Variants in ASIC2 observed in about 807,000 individuals in gnomAD.
ASIC2 encodes acid-sensing ion channel 2.
Under a neutral mutation model 57.3 loss-of-function variants are expected in ASIC2, and 25 were observed. The ratio of observed to expected loss-of-function variants is 0.44; its 90% confidence interval spans 0.32 to 0.61. The LOEUF is 0.61. Among genes scored for constraint, ASIC2 ranks in the 20% least tolerant of loss-of-function variants. The pLI is 0.06. For synonymous variants in ASIC2, 319 were observed against 307.5 expected (o/e 1.04, Z -0.39); for missense variants, 641 against 738.1 (o/e 0.87, Z 1.52).
chr17:33,518,930 C>G (rs944558802), intron 1 of ASIC2, among the ~76,000 whole-genome samples: 7 of 151,968 alleles, frequency 4.6e-5, no homozygotes, highest in African/African-American at 1.7e-4. Flanking sequence ...ACGCCATTCT[C>G]CTGCCTCAGC....
At chr17:33,516,616 T>G (rs988610775) in intron 1 of ASIC2, among the ~76,000 whole-genome samples, 13 of 152,164 alleles carry the variant, frequency 8.5e-5, no homozygotes, top group Non-Finnish European at 2.9e-5. Context: ...CACTTCCAGG[T>G]AAGTCTAGTG....
chr17:34,129,485 A>T (rs1351587324), intron 1 of ASIC2, among the ~76,000 whole-genome samples: 1 of 152,136 alleles, frequency 6.6e-6, no homozygotes, highest in Non-Finnish European at 1.5e-5. Flanking sequence ...CAGGGTAGGA[A>T]CCTCTTCCAC....
chr17:33,888,833 A>G (rs1173106948), intron 1 of ASIC2, among the ~76,000 whole-genome samples: 2 of 152,106 alleles, frequency 1.3e-5, no homozygotes, highest in African/African-American at 4.8e-5. Context: ...TGGCAGGAGA[A>G]AAACCTTTCT....
In ASIC2 at chr17:33,898,220, C is replaced by CTTTTTTTTTTTTTTTTTTTTTTTTT. The variant is rs771624171; in HGVS notation, c.555+257733_555+257757dup. On this transcript the variant is annotated intron_variant, in intron 1 of 9. Coordinates refer to the ASIC2 transcript ENST00000359872. ...AAACTGCCCAGAGTTCATGTATAAT[C>CTTTTTTTTTTTTTTTTTTTTTTTTT]TTTTTTTTTTTTTTTTTTTTTTTTT... is the stretch of plus-strand genomic sequence containing the variant. Among the ~76,000 whole-genome samples the CTTTTTTTTTTTTTTTTTTTTTTTTT allele has an allele frequency of 9.1e-5, 6 of 66,186 alleles. 2 individuals carry two copies. Among genetic ancestry groups the CTTTTTTTTTTTTTTTTTTTTTTTTT allele is most frequent in the African/African-American group, 1.8e-4 (3 of 16,778 alleles). 43.4% of individuals were successfully genotyped at this position (66,186 alleles called of 152,430 possible).
At chr17:33,409,329 A>G (rs1251707465) in intron 1 of ASIC2, among the ~76,000 whole-genome samples, 1 of 152,236 alleles carries the variant, frequency 6.6e-6, no homozygotes, top group African/African-American at 2.4e-5. Flanking sequence ...GCAGTGGGGC[A>G]TCAGCACAGA....
chr17:33,699,776 T>C (rs1316036424), intron 1 of ASIC2, among the ~76,000 whole-genome samples: 2 of 152,220 alleles, frequency 1.3e-5, no homozygotes, highest in Non-Finnish European at 2.9e-5. Context: ...AATACAATTT[T>C]GTTATTTCTT....
chr17:33,388,178 T>A (rs753433019), intron 1 of ASIC2, among the ~76,000 whole-genome samples: 1 of 152,236 alleles, frequency 6.6e-6, no homozygotes, highest in Non-Finnish European at 1.5e-5. Context: ...ATTGAAGTGA[T>A]GTGGCCACTG....
chr17:33,605,660 T>G (rs1905213827), intron 1 of ASIC2, among the ~76,000 whole-genome samples: 1 of 152,186 alleles, frequency 6.6e-6, no homozygotes, highest in African/African-American at 2.4e-5. Context: ...ATACTATTGC[T>G]CTGCATGAAG....
intron 1 of ASIC2, among the ~76,000 whole-genome samples, chr17:34,117,564 G>T (rs951798865): frequency 6.6e-6 from 1 of 152,184 alleles, no homozygotes; most frequent in Non-Finnish European, 1.5e-5. Flanking sequence ...TAGGGAACCT[G>T]GGGTCCAGAC....
chr17:33,699,006 C>T (rs775425491), intron 1 of ASIC2, among the ~76,000 whole-genome samples: 2 of 152,106 alleles, frequency 1.3e-5, no homozygotes, highest in Non-Finnish European at 2.9e-5. Context: ...TCACCGGCTC[C>T]CTGTGCTACT....
chr17:33,154,701 G>A (rs151045701), intron 1 of ASIC2, among the ~76,000 whole-genome samples: 329 of 152,302 alleles, frequency 2.2e-3, no homozygotes, highest in Non-Finnish European at 3.8e-3. Flanking sequence ...AGGTAACTAA[G>A]GAGGCAGAGA....
At chr17:33,324,176 C>T (rs1004102959) in intron 1 of ASIC2, among the ~76,000 whole-genome samples, 1 of 152,106 alleles carries the variant, frequency 6.6e-6, no homozygotes, top group African/African-American at 2.4e-5. Flanking sequence ...GTTTGGTGCC[C>T]TTGTGTCATT....
chr17:33,483,282 C>T (rs745861921), intron 1 of ASIC2, among the ~76,000 whole-genome samples: 3 of 152,202 alleles, frequency 2.0e-5, no homozygotes, highest in Admixed American at 6.5e-5. Flanking sequence ...TTTTCCATTG[C>T]TCCTTTGATT....
At chr17:33,215,738 C>G (rs1907453406) in intron 1 of ASIC2, among the ~76,000 whole-genome samples, 1 of 147,550 alleles carries the variant, frequency 6.8e-6, no homozygotes, top group South Asian at 2.1e-4. Context: ...GTCTCGCTGT[C>G]GCCCAGGCTG....
intron 1 of ASIC2, among the ~76,000 whole-genome samples, chr17:33,619,582 A>C (rs547830325): frequency 1.1e-4 from 16 of 152,342 alleles, no homozygotes; most frequent in African/African-American, 3.6e-4. Context: ...GATTCCATCA[A>C]TGTGCTTACA....
intron 1 of ASIC2, among the ~76,000 whole-genome samples, chr17:33,218,513 C>T (rs953885734): frequency 3.3e-5 from 5 of 152,204 alleles, no homozygotes; most frequent in Non-Finnish European, 7.4e-5. Context: ...CCTTGAAGGA[C>T]TGCAATAGAG....
At chr17:33,708,840 C>A (rs1329132583) in intron 1 of ASIC2, among the ~76,000 whole-genome samples, 2 of 152,158 alleles carry the variant, frequency 1.3e-5, no homozygotes, top group Non-Finnish European at 2.9e-5. Context: ...AACTCTGACT[C>A]CCTTCCTCGC....
chr17:34,018,516 C>T (rs1158808225), intron 1 of ASIC2, among the ~76,000 whole-genome samples: 1 of 152,096 alleles, frequency 6.6e-6, no homozygotes, highest in Admixed American at 6.6e-5. Context: ...GCTATAGCTG[C>T]CACAGATAGT....
At position 33,028,329 on chromosome 17, in the gene ASIC2, G is replaced by A; in HGVS notation, c.1051C>T (p.Pro351Ser). The change falls in exon 4 of 10, where the codon CCT (proline) becomes TCT (serine). Residue 351 changes from proline (P) to serine (S), a missense_variant. By Grantham distance (74) the Pro-to-Ser change is moderately conservative. This residue lies in a region of ASIC2 where 252 missense variants were observed against 319.8 expected (regional missense o/e 0.79). Transcript: ENST00000225823. ...CTACAGGCGGTGATGCTGTAAACAG[G>A]AAAAAAGTCGAGGCCCATCTCTGAG... ...RSSEMGLDFF[P>S]VYSITACRID... 1 of 1,614,104 alleles carries A rather than the reference G, an allele frequency of 6.2e-7. No individual in the cohort carries two copies. The highest frequency in any genetic ancestry group is 8.5e-7 in the Non-Finnish European group (1 of 1,180,020).
Sources: gnomAD v4.1 joint callset for allele counts (sites outside exome capture counted in the v4.1 genomes callset) on GRCh38, gnomAD v4.1.1 for gene constraint, gnomAD v4.1.1 regional missense constraint, MANE v1.5 for transcripts, NCBI Gene and HGNC (gene_info 2026-07-23, HGNC 2026-07-21) for gene names.